Variants in AHCY observed in about 807,000 individuals in gnomAD.
AHCY encodes S-adenosyl-L-homocysteine hydrolase.
AHCY carries 24 observed loss-of-function variants against 45.4 expected under a neutral mutation model. That is an observed-to-expected ratio of 0.53 (90% CI 0.38 to 0.74). AHCY has a LOEUF of 0.74. AHCY is among the 30% of genes least tolerant of loss of function. AHCY has a pLI of 0.00. For missense variants in AHCY, 449 were observed against 594.1 expected (o/e 0.76, Z 2.54); for synonymous variants, 245 against 235.1 (o/e 1.04, Z -0.39).
At chr20:34,288,102 T>C (rs1405547768) in intron 8 of AHCY, among the ~76,000 whole-genome samples, 1 of 152,192 alleles carries the variant, frequency 6.6e-6, no homozygotes, top group Non-Finnish European at 1.5e-5. Flanking sequence ...TAGGCAGAGA[T>C]GGAGGTGCCC....
chr20:34,291,989 G>A (rs1039935208), intron 4 of AHCY, among the ~76,000 whole-genome samples: 12 of 152,194 alleles, frequency 7.9e-5, no homozygotes, highest in African/African-American at 2.7e-4. Flanking sequence ...CACCATACCC[G>A]CAGTGAAGGC....
At chr20:34,305,322 C>T (rs187540908), upstream of AHCY, among the ~76,000 whole-genome samples, 52 of 151,924 alleles carry the variant, frequency 3.4e-4, 1 homozygote, top group Middle Eastern at 6.8e-3. Flanking sequence ...AGACTCTTGT[C>T]TCAAAAAATA....
the AHCY span, among the ~76,000 whole-genome samples, chr20:34,244,588 A>G: frequency 1.3e-5 from 2 of 152,202 alleles, no homozygotes; most frequent in African/African-American, 4.8e-5. Flanking sequence ...TCATTTTCCA[A>G]TTGTTCATTT....
At chr20:34,294,621 G>A (rs2036511711) in intron 2 of AHCY, among the ~76,000 whole-genome samples, 1 of 152,120 alleles carries the variant, frequency 6.6e-6, no homozygotes, top group Non-Finnish European at 1.5e-5. Flanking sequence ...CAGAAGGCTG[G>A]AACAGAGGTT....
chr20:34,253,340 T>C, the AHCY span, among the ~76,000 whole-genome samples: 1 of 151,826 alleles, frequency 6.6e-6, no homozygotes, highest in Non-Finnish European at 1.5e-5. Context: ...TCTCCTGACC[T>C]CATGATCCGC....
At chr20:34,235,803 A>G in the AHCY span, among the ~76,000 whole-genome samples, 1 of 55,332 alleles carries the variant, frequency 1.8e-5, no homozygotes, top group African/African-American at 2.1e-4. Flanking sequence ...GAAAGAAAGA[A>G]AGAAAGAAAG....
the AHCY span, among the ~76,000 whole-genome samples, chr20:34,267,177 G>A: frequency 7.9e-5 from 12 of 152,250 alleles, no homozygotes; most frequent in Non-Finnish European, 1.5e-4. Context: ...GTCTCATGGA[G>A]TTTACATTCT....
At chr20:34,239,341 C>G in the AHCY span, among the ~76,000 whole-genome samples, 1 of 152,076 alleles carries the variant, frequency 6.6e-6, no homozygotes, top group Non-Finnish European at 1.5e-5. Context: ...CTCAGCCTCC[C>G]AAGTAGCTGG....
At chr20:34,235,981 A>AAGGAAGGAGGGGGGAGGGAGGGAAGC in the AHCY span, among the ~76,000 whole-genome samples, 1 of 99,422 alleles carries the variant, frequency 1.0e-5, no homozygotes, top group African/African-American at 9.7e-5. Context: ...GGGAGGGAAG[A>AAGGAAGGAGGGGGGAGGGAGGGAAGC]AGGAAAGAAG....
the AHCY span, among the ~76,000 whole-genome samples, chr20:34,267,572 C>A: frequency 7.3e-5 from 11 of 151,010 alleles, no homozygotes; most frequent in Non-Finnish European, 1.5e-4. Flanking sequence ...GCTCTTGTTG[C>A]CCAGGCTGGA....
chr20:34,257,488 A>AAAAAC, the AHCY span, among the ~76,000 whole-genome samples: 1 of 152,222 alleles, frequency 6.6e-6, no homozygotes, highest in Non-Finnish European at 1.5e-5. Context: ...GCTAAAAATT[A>AAAAAC]AAAACAATAT....
the AHCY span, among the ~76,000 whole-genome samples, chr20:34,241,674 A>G: frequency 6.6e-6 from 1 of 152,234 alleles, no homozygotes; most frequent in Admixed American, 6.5e-5. Flanking sequence ...TCTTTTGCTA[A>G]CTAGTGGCTT....
At chr20:34,300,063 T>A (rs542189500) in intron 1 of AHCY, among the ~76,000 whole-genome samples, 1 of 152,132 alleles carries the variant, frequency 6.6e-6, no homozygotes, top group Non-Finnish European at 1.5e-5. Flanking sequence ...TGGGCACTTA[T>A]AATCCCACCT....
At chr20:34,253,628 A>T in the AHCY span, among the ~76,000 whole-genome samples, 5 of 151,328 alleles carry the variant, frequency 3.3e-5, no homozygotes, top group Non-Finnish European at 7.4e-5. Flanking sequence ...TGCACCACCA[A>T]GCCTGGCTAA....
chr20:34,256,583 G>A, the AHCY span, among the ~76,000 whole-genome samples: 155 of 152,242 alleles, frequency 1.0e-3, 1 homozygote, highest in East Asian at 0.028. Flanking sequence ...GATTATAGGC[G>A]TGAGCCACCA....
chr20:34,267,625 C>T, the AHCY span, among the ~76,000 whole-genome samples: 7 of 151,994 alleles, frequency 4.6e-5, no homozygotes, highest in South Asian at 2.1e-4. Flanking sequence ...TCCACCTCCC[C>T]GGTTCAAACA....
chr20:34,258,734 GTA>G, the AHCY span, among the ~76,000 whole-genome samples: 12 of 41,958 alleles, frequency 2.9e-4, no homozygotes, highest in East Asian at 1.6e-3. Context: ...AATATATATA[GTA>G]TATATATACT....
At chr20:34,241,552 T>C in the AHCY span, 6 of 984,360 alleles carry the variant, frequency 6.1e-6, no homozygotes, top group South Asian at 9.4e-5. Flanking sequence ...TTTGGAAAGT[T>C]GAAAGGACTT....
chr20:34,267,478 AAAAAAG>A, the AHCY span, among the ~76,000 whole-genome samples: 1 of 151,496 alleles, frequency 6.6e-6, no homozygotes, highest in Non-Finnish European at 1.5e-5. Context: ...AAAAAAAAAA[AAAAAAG>A]AACTGTGATG....
Sources: allele counts gnomAD v4.1 joint callset (sites outside exome capture counted in the v4.1 genomes callset), GRCh38; gene constraint gnomAD v4.1.1; transcripts MANE v1.5; gene names NCBI Gene and HGNC (gene_info 2026-07-23, HGNC 2026-07-21).